CHD5: variants seen among roughly 807,000 people sequenced by gnomAD.
The protein encoded by CHD5 is ATP-dependent chromatin remodeler CHD5.
A neutral mutation model predicts 230.3 loss-of-function variants in CHD5; 69 were observed. The observed-to-expected ratio is 0.30, with a 90% confidence interval of 0.25 to 0.37. The LOEUF (loss-of-function observed/expected upper bound fraction) is 0.37, where lower values mean the gene tolerates loss of function less well. Ranked by LOEUF, CHD5 falls within the 10% of genes least tolerant of loss-of-function variation. The pLI, the probability that CHD5 is intolerant of heterozygous loss-of-function variation, is 1.00. For missense variants in CHD5, 1,827 were observed against 2,622.8 expected, an observed-to-expected ratio of 0.70 and a Z score of 6.63; for synonymous variants, 1,064 against 1,065.9, an observed-to-expected ratio of 1.00 and a Z score of 0.03.
chr1:6,150,308 G>C (rs897155887), intron 7 of CHD5, among the ~76,000 whole-genome samples: 1 of 149,822 alleles, frequency 6.7e-6, no homozygotes, highest in African/African-American at 2.5e-5. Context: ...TGGATGAATG[G>C]ACAAGTGGAT....
chr1:6,108,025 T>G (rs1377123301), intron 38 of CHD5, among the ~76,000 whole-genome samples: 1 of 60,254 alleles, frequency 1.7e-5, no homozygotes, highest in South Asian at 6.1e-4. Context: ...GGTGGAGGGA[T>G]GGGTGATGGA....
At chr1:6,153,275 T>C (rs1484747584) in intron 5 of CHD5, among the ~76,000 whole-genome samples, 4 of 152,130 alleles carry the variant, frequency 2.6e-5, no homozygotes, top group African/African-American at 4.8e-5. Flanking sequence ...ATGGAATCGA[T>C]AGCTCAGCAG....
intron 36 of CHD5, among the ~76,000 whole-genome samples, 199 bp from the exon 37 acceptor site, chr1:6,110,725 C>T (rs555912438): frequency 2.0e-5 from 3 of 152,350 alleles, no homozygotes; most frequent in African/African-American, 7.2e-5. Flanking sequence ...CTGACAGGTG[C>T]CCTGGGTGCA....
In CHD5 at chr1:6,119,629, C is replaced by G. The variant is rs184610525; in HGVS notation, c.4912+1476G>C. On this transcript the variant is annotated intron_variant, in intron 33 of 41. Transcript: ENST00000262450. ...CAGAAACTGACTGATCAAAGCAAACCAAATACTAGTAAAGATATTAAAAAC... is the reference window on the plus strand; with the variant it reads ...CAGAAACTGACTGATCAAAGCAAACGAAATACTAGTAAAGATATTAAAAAC... 6.8e-4 allele frequency among the ~76,000 whole-genome samples: 104 copies of G among 151,904 alleles called. 1 individual carries two copies. The highest frequency in any genetic ancestry group is 1.8e-3 in the Admixed American group (27 of 15,246).
chr1:6,132,880 T>TTCTCTC (rs111561200), intron 20 of CHD5, among the ~76,000 whole-genome samples: 1,619 of 144,494 alleles, frequency 0.011, 16 homozygotes, highest in African/African-American at 0.023. Flanking sequence ...TCCTATTCTT[T>TTCTCTC]TCTCTCTCTC....
chr1:6,148,870 A>G lies in CHD5; in HGVS notation c.1367T>C (p.Leu456Pro). The G allele has an allele frequency of 6.4e-7, 1 of 1,568,540 alleles. No individual in the cohort carries two copies. The highest frequency in any genetic ancestry group is 8.6e-7 in the Non-Finnish European group (1 of 1,156,458). Residue 456 changes from leucine (L) to proline (P), a missense_variant, in exon 9 of 42, where the codon CTC becomes CCC. This residue lies in a region of CHD5 where 657 missense variants were observed against 816.4 expected (regional missense o/e 0.80). Transcript: ENST00000262450. ...AACACTCACAGTACAGCGCGGGCAG[A>G]GCCATTCACCGTTTGGGATCTCGGG... Reference protein sequence around the residue: ...PLPEIPNGEWLCPRCTCPPLK... With the variant: ...PLPEIPNGEWPCPRCTCPPLK...
At chr1:6,139,213 CTGTTCTGTTGT>C (rs138613518) in intron 15 of CHD5, among the ~76,000 whole-genome samples, 18,658 of 151,934 alleles carry the variant, frequency 0.12, 1,439 homozygotes, top group East Asian at 0.4. Context: ...CACTACTAAA[CTGTTCTGTTGT>C]TGTTTTGTTG....
intron 33 of CHD5, among the ~76,000 whole-genome samples, chr1:6,120,795 A>G (rs934095030): frequency 1.3e-5 from 2 of 152,088 alleles, no homozygotes; most frequent in Non-Finnish European, 2.9e-5. Flanking sequence ...CCCAGCTACT[A>G]GGGAGACTGA....
intron 1 of CHD5, among the ~76,000 whole-genome samples, chr1:6,170,857 C>A (rs1184127731): frequency 6.6e-6 from 1 of 152,182 alleles, no homozygotes; most frequent in Non-Finnish European, 1.5e-5. Flanking sequence ...GCAGGGCTGG[C>A]GGGGAGCTGT....
chr1:6,106,299 A>G lies in CHD5; in HGVS notation c.5858-12T>C. ...GGACGGCTAGATATCTGTCAAAAAA[A>G]GAGGAGAGCCGGGCTTGCCTGACGT... On this transcript the variant is annotated splice_polypyrimidine_tract_variant and intron_variant, in intron 40 of 41. Transcript: ENST00000262450. 4 of 1,612,814 alleles carry G rather than the reference A, an allele frequency of 2.5e-6. No homozygotes were observed. The highest frequency in any genetic ancestry group is 3.4e-6 in the Non-Finnish European group (4 of 1,179,968).
Position 6,102,061 on chromosome 1 carries a change from T to C in CHD5, c.*3413A>G. ...TGCCTGGGGAAAGGGGTCGGCCCCC[T>C]CTTAGCTGGGCCTGGGCCGGTGGAG... On this transcript the variant is annotated 3_prime_UTR_variant, in exon 42 of 42. Transcript: ENST00000262450. 2 of 394,884 alleles carry C rather than the reference T, an allele frequency of 5.1e-6. 1 individual carries two copies. The allele number at this position is 394,884 out of a possible 1,614,324, so 24.5% of individuals were successfully genotyped here. A position where few individuals can be genotyped will look rare whatever the true frequency, so the allele number is the denominator to read the frequency against.
rs539999609 is a variant in CHD5, at chr1:6,124,540, C to T, written c.4516G>A (p.Val1506Ile). ...ACCTTCTTCCTAACTAGTGACATGA[C>T]CCCGATGCGGGTCAGCACGTGCTGC... ...SRQHVLTRIG[V>I]MSLVRKKVQE... Residue 1506 changes from valine (V) to isoleucine (I), a missense_variant, in exon 30 of 42, where the codon GTC (valine) becomes ATC (isoleucine). Val to Ile is a conservative substitution (Grantham distance 29, BLOSUM62 3). Coordinates refer to ENST00000262450, the MANE Select transcript of CHD5 (RefSeq NM_015557.3). 2 of 1,614,106 alleles carry T rather than the reference C, an allele frequency of 1.2e-6. No homozygotes were observed. The highest frequency in any genetic ancestry group is 1.1e-5 in the South Asian group (1 of 91,066).
chr1:6,149,998 C>T (rs1462495806), intron 7 of CHD5, among the ~76,000 whole-genome samples: 1 of 123,440 alleles, frequency 8.1e-6, no homozygotes, highest in Non-Finnish European at 1.6e-5. Flanking sequence ...GATGGATGGA[C>T]AAATGGATGG....
rs1666138527 is a variant in CHD5 at position 6,105,051 on chromosome 1, CCA to C, written c.*421_*422del. 1.7e-5 allele frequency: 5 copies of C among 291,132 alleles called. No homozygotes were observed. The highest frequency in any genetic ancestry group is 1.1e-4 in the African/African-American group (5 of 44,948). 18.0% of individuals were successfully genotyped at this position (291,132 alleles called of 1,614,324 possible). On this transcript the variant is annotated 3_prime_UTR_variant, in exon 42 of 42. Transcript: ENST00000262450. The surrounding 1 kb of genome is among the most constrained non-coding windows in gnomAD (Gnocchi z 4.8). Reference sequence around the variant, plus strand: ...GCCAGGACTACCTTGGGTCTGGAACCCATCGGTAAAGAGACATCAGTGCTGCA... The same window carrying C: ...GCCAGGACTACCTTGGGTCTGGAACCTCGGTAAAGAGACATCAGTGCTGCA...
chr1:6,107,713 G>GATGATGGAGAGATGT (rs1666212975), intron 38 of CHD5, among the ~76,000 whole-genome samples: 1 of 144,910 alleles, frequency 6.9e-6, no homozygotes, highest in African/African-American at 2.6e-5. Flanking sequence ...TGGAGAGATG[G>GATGATGGAGAGATGT]AGGGATGATG....
In CHD5 at chr1:6,125,267, G is replaced by A. The variant is rs752427761; in HGVS notation, c.4261-34C>T. On this transcript the variant is annotated intron_variant, in intron 28 of 41. Coordinates refer to ENST00000262450, the MANE Select transcript of CHD5 (RefSeq NM_015557.3). This position sits in a 1 kb window ranked among gnomAD's most constrained non-coding sequence, Gnocchi z 6.7. ...GTGGAGCGTGGGAGTATGAGCCCAG[G>A]ACAGAGAGGGGTGGGGGTGGAGGAT... 2.4e-5 allele frequency: 37 copies of A among 1,558,696 alleles called. No individual in the cohort carries two copies. The South Asian group carries it at 3.5e-4, about 15-fold the overall frequency.
chr1:6,108,716 T>C (rs1233572195), intron 38 of CHD5, among the ~76,000 whole-genome samples: 1 of 114,246 alleles, frequency 8.8e-6, no homozygotes, highest in Non-Finnish European at 1.8e-5. Flanking sequence ...GGAGGGATGA[T>C]GAAGGGAAGG....
At position 6,113,017 on chromosome 1, in the gene CHD5, T is replaced by C. The variant is rs750388014; in HGVS notation, c.4913-19A>G. ...ACCTCCTCTGCAAGAAAAAGAGGGT[T>C]CGCGGCATGGGGTGGGGTCCCAGAA... On this transcript the variant is annotated intron_variant, in intron 33 of 41. Transcript: ENST00000262450. 1.8e-5 allele frequency: 29 copies of C among 1,569,256 alleles called. No individual in the cohort carries two copies. Among genetic ancestry groups the C allele is most frequent in the Non-Finnish European group, 2.5e-5 (29 of 1,140,018 alleles).
chr1:6,152,651 C>T (rs375575761), intron 5 of CHD5, 115 bp from the exon 6 acceptor site: 5 of 1,524,632 alleles, frequency 3.3e-6, no homozygotes, highest in African/African-American at 1.4e-5. Context: ...TCTACCATCA[C>T]CCCGTTTCAG....
Sources: allele counts gnomAD v4.1 joint callset (sites outside exome capture counted in the v4.1 genomes callset), GRCh38; gene constraint gnomAD v4.1.1; regional missense constraint gnomAD v4.1.1; non-coding constraint Gnocchi (gnomAD v3.1); transcripts MANE v1.5; gene names NCBI Gene and HGNC (gene_info 2026-07-23, HGNC 2026-07-21).